Variants in MAP2K1 observed in about 807,000 individuals in gnomAD.
MAP2K1 encodes the protein dual specificity mitogen-activated protein kinase kinase 1.
A neutral mutation model predicts 46.3 loss-of-function variants in MAP2K1; 16 were observed. The ratio of observed to expected loss-of-function variants is 0.35; its 90% confidence interval spans 0.23 to 0.52. The LOEUF (loss-of-function observed/expected upper bound fraction) is 0.52. MAP2K1 is among the 20% of genes least tolerant of loss of function. The pLI, the probability that MAP2K1 is intolerant of heterozygous loss-of-function variation, is 0.94. For synonymous variants in MAP2K1, 183 were observed against 185.6 expected, an observed-to-expected ratio of 0.99 and a Z score of 0.11; for missense variants, 263 against 497.1, an observed-to-expected ratio of 0.53 and a Z score of 4.48.
At chr15:66,390,497 T>C (rs1296323907) in intron 1 of MAP2K1, among the ~76,000 whole-genome samples, 1 of 152,198 alleles carries the variant, frequency 6.6e-6, no homozygotes, top group Non-Finnish European at 1.5e-5. Context: ...GCACCTGTGC[T>C]TACCTCTAAC....
Position 66,413,130 on chromosome 15 carries a change from A to G in MAP2K1, c.81-21897A>G, listed in dbSNP as rs957976576. ...AGGCTGGCCTCGAACTCCTGACCTCAGGTGATCCACCTGCCTCGGCCTCCC... is the reference window on the plus strand; with the variant it reads ...AGGCTGGCCTCGAACTCCTGACCTCGGGTGATCCACCTGCCTCGGCCTCCC... On this transcript the variant is annotated intron_variant, in intron 1 of 10. Transcript: ENST00000307102. 2.6e-5 allele frequency among the ~76,000 whole-genome samples: 4 copies of G among 152,272 alleles called. No homozygotes were observed. The South Asian group carries it at 8.3e-4, about 32-fold the overall frequency.
At chr15:66,469,723 C>CACACACATAT (rs143830560) in intron 5 of MAP2K1, among the ~76,000 whole-genome samples, 1 of 134,464 alleles carries the variant, frequency 7.4e-6, no homozygotes, top group African/African-American at 2.7e-5. Flanking sequence ...CACACACACA[C>CACACACATAT]ATATCGGATG....
At chr15:66,420,918 C>T (rs2093439978) in intron 1 of MAP2K1, among the ~76,000 whole-genome samples, 1 of 140,028 alleles carries the variant, frequency 7.1e-6, no homozygotes, top group Non-Finnish European at 1.5e-5. Context: ...CACACACATA[C>T]ATACATATAT....
At chr15:66,436,637 T>G in intron 2 of MAP2K1, 109 bp from the exon 3 acceptor site, 5 of 1,081,790 alleles carry the variant, frequency 4.6e-6, no homozygotes, top group Non-Finnish European at 7.1e-6. Flanking sequence ...ACTTAACCTG[T>G]TTCTCCTCCC....
chr15:66,465,188 T>G (rs559172898), intron 5 of MAP2K1, among the ~76,000 whole-genome samples: 1 of 152,032 alleles, frequency 6.6e-6, no homozygotes, highest in African/African-American at 2.4e-5. Context: ...TGTGCCACTG[T>G]AGCAGGACAA....
At chr15:66,406,334 A>G (rs570006465) in intron 1 of MAP2K1, among the ~76,000 whole-genome samples, 9 of 152,248 alleles carry the variant, frequency 5.9e-5, no homozygotes, top group Non-Finnish European at 1.2e-4. Flanking sequence ...GCTCTGAAGT[A>G]AAGTGAGGAG....
intron 5 of MAP2K1, among the ~76,000 whole-genome samples, chr15:66,445,492 C>T (rs1301508306): frequency 6.6e-6 from 1 of 152,184 alleles, no homozygotes; most frequent in Non-Finnish European, 1.5e-5. Context: ...ACCATACCAT[C>T]TTAGGCATTT....
intron 1 of MAP2K1, among the ~76,000 whole-genome samples, chr15:66,425,448 C>G (rs577981287): frequency 2.8e-4 from 43 of 152,252 alleles, no homozygotes; most frequent in African/African-American, 1.0e-3. Flanking sequence ...GCCGCCTACT[C>G]TTCTTCACTT....
rs140118985 is a variant in MAP2K1 at position 66,412,469 on chromosome 15, A to G, written c.81-22558A>G. On this transcript the variant is annotated intron_variant, in intron 1 of 10. Transcript: ENST00000307102. ...CTGGACAGGACAGCTCTTCTAGTCA[A>G]GGAAGCCAGTATCTCCTGCATTTGT... 1.4e-4 allele frequency among the ~76,000 whole-genome samples: 21 copies of G among 152,346 alleles called. 1 individual carries two copies. Among genetic ancestry groups the G allele is most frequent in the Admixed American group, 1.2e-3 (18 of 15,298 alleles).
chr15:66,469,275 C>CA, intron 5 of MAP2K1, among the ~76,000 whole-genome samples: 1 of 152,286 alleles, frequency 6.6e-6, no homozygotes, highest in East Asian at 1.9e-4. Context: ...GTTTTTTAAA[C>CA]AAAGACATTT....
intron 1 of MAP2K1, among the ~76,000 whole-genome samples, chr15:66,426,685 CTG>C (rs1206133932): frequency 6.6e-6 from 1 of 152,218 alleles, no homozygotes; most frequent in African/African-American, 2.4e-5. Context: ...TGTGGCTACT[CTG>C]TGCCTGCGAA....
At position 66,490,646 on chromosome 15, in the gene MAP2K1, C is replaced by T. The variant is rs774452900; in HGVS notation, c.*31C>T. The T allele has an allele frequency of 1.5e-5, 24 of 1,563,782 alleles. No homozygotes were observed. The South Asian group carries it at 2.4e-4, about 16-fold the overall frequency. ...TGGGAAGCAACAAAGAGCGAGTCCC[C>T]TGCCCGGTGGTTTGCCATGTCGCTT... On this transcript the variant is annotated 3_prime_UTR_variant, in exon 11 of 11. Coordinates refer to ENST00000307102, the MANE Select transcript of MAP2K1 (RefSeq NM_002755.4).
At chr15:66,394,044 C>T (rs993532346) in intron 1 of MAP2K1, among the ~76,000 whole-genome samples, 5 of 152,114 alleles carry the variant, frequency 3.3e-5, no homozygotes, top group African/African-American at 9.7e-5. Flanking sequence ...TGGGGCTTTG[C>T]CTTGTTCATT....
At chr15:66,435,461 G>A (rs1172075655) in intron 2 of MAP2K1, among the ~76,000 whole-genome samples, 1 of 151,642 alleles carries the variant, frequency 6.6e-6, no homozygotes, top group Non-Finnish European at 1.5e-5. Context: ...GAGTAGCTGG[G>A]ATTACAGGCA....
At chr15:66,464,480 A>T (rs2140638608) in intron 5 of MAP2K1, among the ~76,000 whole-genome samples, 1 of 152,222 alleles carries the variant, frequency 6.6e-6, no homozygotes, top group Middle Eastern at 3.4e-3. Flanking sequence ...AGTAATTTCA[A>T]ATTAGGAAAG....
At chr15:66,469,723 C>CACACACACACACACACACATAT (rs143830560) in intron 5 of MAP2K1, among the ~76,000 whole-genome samples, 6 of 134,458 alleles carry the variant, frequency 4.5e-5, no homozygotes, top group South Asian at 2.6e-4. Context: ...CACACACACA[C>CACACACACACACACACACATAT]ATATCGGATG....
intron 1 of MAP2K1, among the ~76,000 whole-genome samples, chr15:66,388,749 A>G (rs1401671883): frequency 6.6e-6 from 1 of 151,920 alleles, no homozygotes; most frequent in Non-Finnish European, 1.5e-5. Flanking sequence ...CACAAGGTCG[A>G]TGGTGGACCT....
intron 1 of MAP2K1, among the ~76,000 whole-genome samples, chr15:66,390,979 A>C (rs1011299874): frequency 6.6e-6 from 1 of 151,784 alleles, no homozygotes; most frequent in Non-Finnish European, 1.5e-5. Context: ...CTATTTGCCT[A>C]AATGTCACTT....
chr15:66,415,507 C>T (rs1383880262), intron 1 of MAP2K1, among the ~76,000 whole-genome samples: 1 of 152,160 alleles, frequency 6.6e-6, no homozygotes, highest in African/African-American at 2.4e-5. Flanking sequence ...CTCCTCCCTC[C>T]CTCCCCCCAT....
Sources: gnomAD v4.1 joint callset for allele counts (sites outside exome capture counted in the v4.1 genomes callset) on GRCh38, gnomAD v4.1.1 for gene constraint, MANE v1.5 for transcripts, NCBI Gene and HGNC (gene_info 2026-07-23, HGNC 2026-07-21) for gene names.